Variants in ELAPOR2 observed in about 807,000 individuals in gnomAD.
The protein encoded by ELAPOR2 is endosome-lysosome associated apoptosis and autophagy regulator family member 2, also known as endosome/lysosome-associated apoptosis and autophagy regulator family member 2.
In ELAPOR2, 89 loss-of-function variants were observed where a neutral mutation model predicts 120.7. The ratio of observed to expected loss-of-function variants is 0.74; its 90% CI spans 0.62 to 0.88. The LOEUF (loss-of-function observed/expected upper bound fraction) is 0.88, where lower values mean the gene tolerates loss of function less well. Among genes scored for constraint, ELAPOR2 ranks in the 40% least tolerant of loss-of-function variants. ELAPOR2 has a pLI of 0.00. For missense variants in ELAPOR2, 1,134 were observed against 1,251.6 expected, an observed-to-expected ratio of 0.91 and a Z score of 1.42; for synonymous variants, 444 against 444.9, an observed-to-expected ratio of 1.00 and a Z score of 0.03.
chr7:86,895,592 G>A (rs1346066084), intron 19 of ELAPOR2, among the ~76,000 whole-genome samples: 1 of 151,996 alleles, frequency 6.6e-6, no homozygotes, highest in Non-Finnish European at 1.5e-5. Flanking sequence ...AAATACTAAA[G>A]AATCACACAG....
intron 12 of ELAPOR2, among the ~76,000 whole-genome samples, chr7:86,915,571 T>C (rs1789533948): frequency 6.6e-6 from 1 of 151,746 alleles, no homozygotes; most frequent in African/African-American, 2.4e-5. Context: ...CCAGATAATG[T>C]AACATACATC....
At chr7:86,977,134 G>T (rs536844714) in intron 1 of ELAPOR2, among the ~76,000 whole-genome samples, 2 of 152,320 alleles carry the variant, frequency 1.3e-5, no homozygotes, top group South Asian at 2.1e-4. Context: ...CCACTCATTA[G>T]TGATACATAT....
intron 3 of ELAPOR2, among the ~76,000 whole-genome samples, chr7:86,947,520 A>C (rs1562938002): frequency 6.6e-6 from 1 of 152,238 alleles, no homozygotes; most frequent in Non-Finnish European, 1.5e-5. Flanking sequence ...GCATTTTTGC[A>C]TACAGTGTCT....
Position 86,925,635 on chromosome 7 carries a change from C to G in ELAPOR2, c.1292G>C (p.Gly431Ala), listed in dbSNP as rs377509398. The G allele has an allele frequency of 9.3e-6, 15 of 1,611,720 alleles. No individual in the cohort carries two copies. Among genetic ancestry groups the G allele is most frequent in the Non-Finnish European group, 1.2e-5 (14 of 1,178,488 alleles). ...GTKECRPCPA[G>A]TEPALGFEYK... is the part of the protein sequence containing the mutation. ...TTCAAAGCCAAGTGCAGGCTCCGTT[C>G]CTGCTGGACATGGTCTACATTCTAC... Residue 431 changes from glycine (G) to alanine (A), a missense_variant, in exon 10 of 22, where the codon GGA (glycine) becomes GCA (alanine). Physicochemically the swap from Gly to Ala is moderately conservative, Grantham distance 60. Transcript: ENST00000450689.
intron 2 of ELAPOR2, among the ~76,000 whole-genome samples, chr7:86,950,653 T>G (rs796980182): frequency 2.6e-5 from 4 of 152,320 alleles, no homozygotes; most frequent in Admixed American, 6.5e-5. Flanking sequence ...CATGGTAGCC[T>G]GAACCCCATG....
rs536744426 is a variant in ELAPOR2, at chr7:86,880,121, T to C, written c.*350A>G. The C allele has an allele frequency of 1.1e-3, 246 of 217,542 alleles. 3 individuals carry two copies. The South Asian group carries it at 0.026, about 23-fold the overall frequency. 13.5% of individuals were successfully genotyped at this position (217,542 alleles called of 1,614,324 possible). A position where few individuals can be genotyped will look rare whatever the true frequency, so the allele number is the denominator to read the frequency against. On this transcript the variant is annotated 3_prime_UTR_variant, in exon 22 of 22. Transcript: ENST00000450689. ...TGCCTTCCAAATCACACTTGTTATG[T>C]AGACATCATAAAGAATAAAAGTTAC...
chr7:86,979,698 G>A lies in ELAPOR2; in HGVS notation c.190-14674C>T, dbSNP rs146354737. The stretch of plus-strand genomic sequence containing the variant: ...AGAAAATTGGGGAGATACTAATATG[G>A]AAGGCAAGACAGAGGTAGTATCAGG... On this transcript the variant is annotated intron_variant, in intron 1 of 21. Transcript: ENST00000450689. Among the ~76,000 whole-genome samples the A allele has an allele frequency of 6.4e-3, 967 of 152,246 alleles. 3 individuals are homozygous for A. The highest frequency in any genetic ancestry group is 0.014 in the Middle Eastern group (4 of 294).
chr7:87,031,903 T>C (rs904001593), intron 1 of ELAPOR2, among the ~76,000 whole-genome samples: 2 of 152,126 alleles, frequency 1.3e-5, no homozygotes, highest in South Asian at 2.1e-4. Context: ...AAAATCATTA[T>C]GCTAAGTGAA....
chr7:86,897,763 A>C (rs1788512525), intron 18 of ELAPOR2, 131 bp from the exon 19 acceptor site: 1 of 968,982 alleles, frequency 1.0e-6, no homozygotes, highest in South Asian at 1.7e-5. Context: ...ACACAAGTGG[A>C]AAAAAGTCTA....
At chr7:86,926,550 A>G (rs1405136361) in intron 9 of ELAPOR2, among the ~76,000 whole-genome samples, 186 bp downstream of exon 9, 1 of 152,018 alleles carries the variant, frequency 6.6e-6, no homozygotes, top group Non-Finnish European at 1.5e-5. Flanking sequence ...TAGTAAGTAT[A>G]CAACATGGCT....
intron 2 of ELAPOR2, among the ~76,000 whole-genome samples, chr7:86,960,354 G>A (rs748987568): frequency 7.2e-5 from 11 of 152,212 alleles, no homozygotes; most frequent in Admixed American, 2.0e-4. Context: ...AGGTTCAAGC[G>A]ATTCTCCTGC....
intron 15 of ELAPOR2, among the ~76,000 whole-genome samples, chr7:86,910,736 AAT>A (rs1789262230): frequency 6.6e-6 from 1 of 152,106 alleles, no homozygotes; most frequent in Non-Finnish European, 1.5e-5. Context: ...CTTGCTCCAT[AAT>A]TTCTACAAAG....
chr7:86,941,045 G>A (rs1304774816), intron 5 of ELAPOR2, among the ~76,000 whole-genome samples: 1 of 151,966 alleles, frequency 6.6e-6, no homozygotes, highest in Non-Finnish European at 1.5e-5. Context: ...TATTCTGAAA[G>A]GGTATGTTGT....
chr7:86,893,842 A>T (rs896231587), intron 19 of ELAPOR2, among the ~76,000 whole-genome samples: 3 of 152,238 alleles, frequency 2.0e-5, no homozygotes, highest in South Asian at 2.1e-4. Flanking sequence ...GGAATTTTTT[A>T]AAATAGACAG....
chr7:86,985,737 T>A (rs1188057987), intron 1 of ELAPOR2, among the ~76,000 whole-genome samples: 1 of 152,120 alleles, frequency 6.6e-6, no homozygotes, highest in African/African-American at 2.4e-5. Context: ...TACATATGCA[T>A]ACATGTGCCA....
chr7:87,042,820 G>A (rs1005858031), intron 1 of ELAPOR2, among the ~76,000 whole-genome samples: 4 of 152,122 alleles, frequency 2.6e-5, no homozygotes, highest in African/African-American at 7.2e-5. Flanking sequence ...ATGAATCCAG[G>A]AGCTGGTTTT....
intron 1 of ELAPOR2, among the ~76,000 whole-genome samples, chr7:87,023,914 T>G (rs1794150927): frequency 1.3e-5 from 2 of 152,230 alleles, no homozygotes; most frequent in Admixed American, 6.5e-5. Context: ...CACACTGATT[T>G]TGTATCCTGA....
intron 5 of ELAPOR2, 59 bp downstream of exon 5, chr7:86,941,959 T>TG: frequency 1.0e-6 from 1 of 980,086 alleles, no homozygotes; most frequent in Non-Finnish European, 1.6e-6. Context: ...AAGAAAAGGT[T>TG]GGGGAAAAAA....
At chr7:86,957,516 AT>A (rs1242388934) in intron 2 of ELAPOR2, among the ~76,000 whole-genome samples, 2 of 152,098 alleles carry the variant, frequency 1.3e-5, no homozygotes, top group Non-Finnish European at 2.9e-5. Context: ...AAAAAGTGTC[AT>A]TTTTTTCCTA....
Sources: gnomAD v4.1 joint callset for allele counts (sites outside exome capture counted in the v4.1 genomes callset) on GRCh38, gnomAD v4.1.1 for gene constraint, MANE v1.5 for transcripts, NCBI Gene and HGNC (gene_info 2026-07-23, HGNC 2026-07-21) for gene names.